The following FAM114A1 variants were observed in gnomAD, a reference collection of about 807,000 sequenced individuals.
The protein encoded by FAM114A1 is protein NOXP20.
Under a neutral mutation model 64.3 loss-of-function variants are expected in FAM114A1, and 62 were observed. The observed-to-expected ratio is 0.96, with a 90% CI of 0.79 to 1.19. The LOEUF (loss-of-function observed/expected upper bound fraction) is 1.19. Ranked by LOEUF, FAM114A1 falls within the 50% of genes most tolerant of loss-of-function variation. The pLI, the probability that FAM114A1 is intolerant of heterozygous loss-of-function variation, is 0.00. For missense variants in FAM114A1, 645 were observed against 676.3 expected (o/e 0.95, Z 0.51); for synonymous variants, 254 against 251.1 (o/e 1.01, Z -0.11).
chr4:38,881,425 C>A (rs1033370394), intron 3 of FAM114A1, among the ~76,000 whole-genome samples: 2 of 152,080 alleles, frequency 1.3e-5, no homozygotes, highest in Non-Finnish European at 2.9e-5. Context: ...CACGGAATTA[C>A]CTGGATGGAA....
chr4:38,868,612 C>T (rs1388502863), intron 2 of FAM114A1, 66 bp downstream of exon 2: 1 of 152,392 alleles, frequency 6.6e-6, no homozygotes, highest in East Asian at 1.9e-4. Context: ...AGTAGGAAGA[C>T]ATCTCTCTAT....
At chr4:38,870,169 AC>A (rs1281989819) in intron 2 of FAM114A1, among the ~76,000 whole-genome samples, 1 of 151,966 alleles carries the variant, frequency 6.6e-6, no homozygotes, top group Admixed American at 6.6e-5. Flanking sequence ...CATCGCTCCC[AC>A]CTCTCATCAT....
chr4:38,935,732 T>A lies in FAM114A1; in HGVS notation c.1478T>A (p.Met493Lys). Residue 493 changes from methionine to lysine, a missense_variant, in exon 13 of 15, where the codon ATG becomes AAG. Physicochemically the swap from Met to Lys is moderately conservative, Grantham distance 95 (BLOSUM62 -1). Coordinates refer to ENST00000358869, the MANE Select transcript of FAM114A1 (RefSeq NM_138389.4). ...TCTTCTTTCAGATTAACTACTGCAA[T>A]GTGCAATGAAGTGGCCTCTTTATCA... ...AKVLIKLTTA[M>K]CNEVASLSKK... 1 of 1,607,194 alleles carries A rather than the reference T, an allele frequency of 6.2e-7. No homozygotes were observed. Among genetic ancestry groups the A allele is most frequent in the Non-Finnish European group, 8.5e-7 (1 of 1,175,782 alleles).
intron 4 of FAM114A1, among the ~76,000 whole-genome samples, chr4:38,903,374 A>G (rs540543228): frequency 5.9e-5 from 9 of 152,334 alleles, no homozygotes; most frequent in African/African-American, 1.9e-4. Flanking sequence ...GAGTTTCATT[A>G]TCTCCTGAAA....
intron 2 of FAM114A1, among the ~76,000 whole-genome samples, chr4:38,874,536 A>G (rs988032576): frequency 6.6e-6 from 1 of 151,816 alleles, no homozygotes; most frequent in African/African-American, 2.4e-5. Flanking sequence ...TTGCTTGTTG[A>G]TTTAAGTTCC....
At chr4:38,915,373 C>T (rs1718948174) in intron 8 of FAM114A1, among the ~76,000 whole-genome samples, 1 of 152,212 alleles carries the variant, frequency 6.6e-6, no homozygotes, top group Non-Finnish European at 1.5e-5. Flanking sequence ...GCTGCTGGCC[C>T]TCTGCCTCCC....
In FAM114A1 at chr4:38,879,607, G is replaced by T. The variant is rs75648507; in HGVS notation, c.348+1181G>T. Among the ~76,000 whole-genome samples the T allele has an allele frequency of 1.3e-4, 20 of 152,108 alleles. No individual in the cohort carries two copies. In the East Asian group the frequency reaches 3.1e-3, roughly 23 times the overall value. On this transcript the variant is annotated intron_variant, in intron 3 of 14. Transcript: ENST00000358869. ...CTGTCTGCGATGGGCTTCCTCAGGG[G>T]CAAGGTGTTTCCCTTCACTGGAAGT...
chr4:38,883,626 A>G (rs1349545890), intron 3 of FAM114A1, among the ~76,000 whole-genome samples: 1 of 152,162 alleles, frequency 6.6e-6, no homozygotes, highest in African/African-American at 2.4e-5. Flanking sequence ...TTCTCTCCCT[A>G]AAAAAGGAGA....
chr4:38,931,005 C>T (rs1659122799), intron 10 of FAM114A1, among the ~76,000 whole-genome samples: 1 of 152,150 alleles, frequency 6.6e-6, no homozygotes, highest in South Asian at 2.1e-4. Flanking sequence ...GTTCATGAAA[C>T]ATGAAGAGCT....
intron 4 of FAM114A1, among the ~76,000 whole-genome samples, chr4:38,900,148 A>C (rs12641669): frequency 0.5 from 76,076 of 151,714 alleles, 19,197 homozygotes; most frequent in Middle Eastern, 0.64. Context: ...TGATGAGATA[A>C]TACCTCACAC....
chr4:38,891,284 A>T (rs1318754109), intron 3 of FAM114A1, among the ~76,000 whole-genome samples: 1 of 152,190 alleles, frequency 6.6e-6, no homozygotes, highest in Middle Eastern at 3.2e-3. Context: ...CACTTTGCCC[A>T]TCATCCATGC....
chr4:38,940,766 A>G (rs1002005712), intron 13 of FAM114A1, among the ~76,000 whole-genome samples: 5 of 151,972 alleles, frequency 3.3e-5, no homozygotes, highest in African/African-American at 1.2e-4. Flanking sequence ...ATACCTGCCT[A>G]CCTCCTAGGA....
chr4:38,926,408 TTC>T (rs1181324037), intron 9 of FAM114A1, among the ~76,000 whole-genome samples: 1 of 151,578 alleles, frequency 6.6e-6, no homozygotes, highest in Non-Finnish European at 1.5e-5. Flanking sequence ...GAATCTCAGC[TTC>T]TGATGGAATC....
At chr4:38,910,207 C>A (rs1173109460) in intron 7 of FAM114A1, among the ~76,000 whole-genome samples, 1 of 150,814 alleles carries the variant, frequency 6.6e-6, no homozygotes, top group Non-Finnish European at 1.5e-5. Context: ...CCACTGCACT[C>A]TAGCCTGGGC....
intron 10 of FAM114A1, among the ~76,000 whole-genome samples, chr4:38,930,556 T>C (rs1482848261): frequency 1.3e-5 from 2 of 152,182 alleles, no homozygotes; most frequent in Admixed American, 1.3e-4. Flanking sequence ...TTGTCTGTAA[T>C]AGAGGACACA....
At position 38,914,916 on chromosome 4, in the gene FAM114A1, T is replaced by C. The variant is rs1718889120; in HGVS notation, c.793-5T>C. On this transcript the variant is annotated splice_polypyrimidine_tract_variant and splice_region_variant and intron_variant, in intron 7 of 14. Coordinates refer to ENST00000358869, the MANE Select transcript of FAM114A1 (RefSeq NM_138389.4). ...CCAGAGTACAAACATTGTGTATTTC[T>C]GCAGATGTTAAGGGAAGCTAAGGAG... The C allele has an allele frequency of 6.2e-7, 1 of 1,613,520 alleles. No individual in the cohort carries two copies. Among genetic ancestry groups the C allele is most frequent in the Admixed American group, 1.7e-5 (1 of 59,960 alleles).
intron 9 of FAM114A1, among the ~76,000 whole-genome samples, chr4:38,924,967 C>T (rs1373255695): frequency 6.6e-6 from 1 of 152,206 alleles, no homozygotes; most frequent in Non-Finnish European, 1.5e-5. Flanking sequence ...GTTGCCAATG[C>T]AACTAAAGAA....
intron 14 of FAM114A1, among the ~76,000 whole-genome samples, chr4:38,942,358 G>T (rs1579426516): frequency 1.3e-5 from 2 of 152,262 alleles, no homozygotes; most frequent in East Asian, 3.9e-4. Context: ...GCCGCACAGT[G>T]GGATGGCATC....
intron 3 of FAM114A1, among the ~76,000 whole-genome samples, chr4:38,884,005 G>A (rs924414021): frequency 2.6e-5 from 4 of 152,222 alleles, no homozygotes; most frequent in African/African-American, 9.6e-5. Context: ...CAAGATCATA[G>A]TGGAAGCTGA....
Sources: gnomAD v4.1 joint callset for allele counts (sites outside exome capture counted in the v4.1 genomes callset) on GRCh38, gnomAD v4.1.1 for gene constraint, MANE v1.5 for transcripts, NCBI Gene and HGNC (gene_info 2026-07-23, HGNC 2026-07-21) for gene names.